Variants in CCDC186 observed in about 807,000 individuals in gnomAD.
CCDC186 encodes the protein coiled-coil domain containing 186.
CCDC186 carries 49 observed loss-of-function variants against 113.7 expected under a neutral mutation model. The ratio of observed to expected loss-of-function variants is 0.43; its 90% CI spans 0.34 to 0.55. The LOEUF (loss-of-function observed/expected upper bound fraction) is 0.55, where lower values mean the gene tolerates loss of function less well. Ranked by LOEUF, CCDC186 falls within the 20% of genes least tolerant of loss-of-function variation. The probability of loss-of-function intolerance (pLI) is 0.02; values close to 1 mark genes in which losing one functional copy is unlikely to be tolerated. For synonymous variants in CCDC186, 355 were observed against 345.8 expected, an observed-to-expected ratio of 1.03 and a Z score of -0.30; for missense variants, 890 against 1,011.1, an observed-to-expected ratio of 0.88 and a Z score of 1.62.
intron 3 of CCDC186, among the ~76,000 whole-genome samples, chr10:114,154,210 C>G (rs1206271294): frequency 1.2e-5 from 1 of 81,162 alleles, no homozygotes; most frequent in East Asian, 4.3e-4. Flanking sequence ...GACCTTGTCT[C>G]AAAAAAAAAA....
chr10:114,154,210 C>CAAAAAAAAAAAAAAAA (rs1276405190), intron 3 of CCDC186, among the ~76,000 whole-genome samples: 4 of 81,140 alleles, frequency 4.9e-5, no homozygotes, highest in Admixed American at 1.4e-4. Flanking sequence ...GACCTTGTCT[C>CAAAAAAAAAAAAAAAA]AAAAAAAAAA....
intron 4 of CCDC186, 65 bp downstream of exon 4, chr10:114,151,027 G>T (rs770819469): frequency 6.4e-7 from 1 of 1,569,928 alleles, no homozygotes; most frequent in Non-Finnish European, 8.7e-7. Flanking sequence ...AACAGTGTTA[G>T]CTTATTTTAA....
chr10:114,155,111 T>C (rs2031971865), intron 3 of CCDC186, among the ~76,000 whole-genome samples: 1 of 152,256 alleles, frequency 6.6e-6, no homozygotes, highest in Non-Finnish European at 1.5e-5. Flanking sequence ...GAGAAGTGAC[T>C]ACTAATGTGT....
intron 10 of CCDC186, among the ~76,000 whole-genome samples, chr10:114,134,699 C>T (rs1039097430): frequency 2.0e-5 from 3 of 152,078 alleles, no homozygotes; most frequent in African/African-American, 7.2e-5. Flanking sequence ...ATTGCCACTA[C>T]CAATGTTTAA....
At position 114,163,314 on chromosome 10, in the gene CCDC186, G is replaced by A. The variant is rs2032236402; in HGVS notation, c.-46C>T. ...TTTGTAATTCTTCAAATCTGCTCCT[G>A]ATCTTCGTTTTACATCTAAGAAATT... On this transcript the variant is annotated 5_prime_UTR_variant, in exon 2 of 16. Coordinates refer to ENST00000369287, the MANE Select transcript of CCDC186 (RefSeq NM_018017.4). The A allele has an allele frequency of 6.4e-7, 1 of 1,557,382 alleles. No individual in the cohort carries two copies. Among genetic ancestry groups the A allele is most frequent in the Admixed American group, 2.1e-5 (1 of 48,192 alleles).
At chr10:114,167,816 A>T (rs1157305151) in intron 1 of CCDC186, among the ~76,000 whole-genome samples, 1 of 150,668 alleles carries the variant, frequency 6.6e-6, no homozygotes, top group African/African-American at 2.5e-5. Flanking sequence ...AAAAAAAAAA[A>T]AAAAAAAAAA....
intron 2 of CCDC186, among the ~76,000 whole-genome samples, chr10:114,160,656 A>G (rs2032144572): frequency 6.6e-6 from 1 of 152,216 alleles, no homozygotes; most frequent in Admixed American, 6.5e-5. Context: ...CAATTTTATC[A>G]GTTATATTTC....
At chr10:114,141,482 G>C (rs1208701952) in intron 6 of CCDC186, among the ~76,000 whole-genome samples, 1 of 152,002 alleles carries the variant, frequency 6.6e-6, no homozygotes, top group Non-Finnish European at 1.5e-5. Flanking sequence ...TAACCTTCTG[G>C]GGGCTGCTTG....
intron 6 of CCDC186, among the ~76,000 whole-genome samples, chr10:114,139,409 A>T (rs943454124): frequency 6.6e-6 from 1 of 152,028 alleles, no homozygotes; most frequent in African/African-American, 2.4e-5. Flanking sequence ...CTAAAAATAC[A>T]AAAATTAGCC....
At chr10:114,142,729 T>C (rs897473197) in intron 6 of CCDC186, among the ~76,000 whole-genome samples, 3 of 152,170 alleles carry the variant, frequency 2.0e-5, no homozygotes, top group African/African-American at 7.2e-5. Context: ...CTGATCACAA[T>C]GGATCCAGTA....
At chr10:114,172,792 A>G (rs553258106) in intron 1 of CCDC186, among the ~76,000 whole-genome samples, 19 of 152,350 alleles carry the variant, frequency 1.2e-4, no homozygotes, top group African/African-American at 3.6e-4. Flanking sequence ...ACTGTTTTTT[A>G]TTTGTGTAAT....
intron 1 of CCDC186, among the ~76,000 whole-genome samples, chr10:114,167,841 C>T (rs1354143614): frequency 1.4e-5 from 2 of 146,460 alleles, no homozygotes; most frequent in Non-Finnish European, 3.0e-5. Flanking sequence ...TTAAAGTTAG[C>T]TGGGCATGGT....
Sources: gnomAD v4.1 joint callset for allele counts (sites outside exome capture counted in the v4.1 genomes callset) on GRCh38, gnomAD v4.1.1 for gene constraint, MANE v1.5 for transcripts, NCBI Gene and HGNC (gene_info 2026-07-23, HGNC 2026-07-21) for gene names.